Variants in PPEF1 observed in about 807,000 individuals in gnomAD.
The protein encoded by PPEF1 is protein phosphatase with EF-hand domain 1, also known as serine/threonine-protein phosphatase with EF-hands 1.
Under a neutral mutation model 53.3 loss-of-function variants are expected in PPEF1, and 12 were observed. The observed-to-expected ratio is 0.23, with a 90% CI of 0.14 to 0.36. The LOEUF (loss-of-function observed/expected upper bound fraction) is 0.36. Ranked by LOEUF, PPEF1 falls within the 10% of genes least tolerant of loss-of-function variation. The probability of loss-of-function intolerance (pLI) is 1.00; values close to 1 mark genes in which losing one functional copy is unlikely to be tolerated. For synonymous variants in PPEF1, 165 were observed against 176.7 expected (o/e 0.93, Z 0.52); for missense variants, 334 against 490.4 (o/e 0.68, Z 3.01).
chrX:18,698,893 C>G (rs753334444), intron 5 of PPEF1, among the ~76,000 whole-genome samples: 1 of 111,932 alleles, frequency 8.9e-6, no homozygotes, highest in East Asian at 2.8e-4. Context: ...TTGAGCAGCT[C>G]TATAATTGGA....
chrX:18,740,504 G>T (rs2045126922), intron 3 of PPEF1, among the ~76,000 whole-genome samples: 1 of 109,084 alleles, frequency 9.2e-6, no homozygotes, highest in African/African-American at 3.3e-5. Context: ...CTGCCTCCCG[G>T]ATTCAGGTGA....
upstream of PPEF1, among the ~76,000 whole-genome samples, chrX:18,702,761 ATAAG>A (rs1251605439): frequency 1.8e-5 from 2 of 111,014 alleles, no homozygotes; most frequent in African/African-American, 6.6e-5. Flanking sequence ...TTTGCAAATT[ATAAG>A]TGAGTGCCAA....
intron 1 of PPEF1, among the ~76,000 whole-genome samples, chrX:18,728,143 C>T (rs145572186): frequency 0.022 from 2,429 of 110,209 alleles, 35 homozygotes; most frequent in Non-Finnish European, 0.036. Flanking sequence ...TGTATCAGGG[C>T]CATGGATGAA....
At chrX:18,789,299 G>A (rs888646681) in intron 10 of PPEF1, 26 bp downstream of exon 10, 2 of 1,189,396 alleles carry the variant, frequency 1.7e-6, no homozygotes, top group Non-Finnish European at 2.3e-6. Context: ...GTTCACTGCA[G>A]TGGCAACAAT....
chrX:18,763,294 G>A (rs895965498), intron 6 of PPEF1, among the ~76,000 whole-genome samples: 1 of 111,390 alleles, frequency 9.0e-6, no homozygotes, highest in Admixed American at 9.6e-5. Flanking sequence ...GGCCTGGGGA[G>A]TTTCTTCACA....
intron 6 of PPEF1, among the ~76,000 whole-genome samples, chrX:18,763,247 A>G (rs1005102847): frequency 2.7e-5 from 3 of 111,595 alleles, no homozygotes; most frequent in African/African-American, 9.8e-5. Flanking sequence ...GGAGGTTTGC[A>G]GAGTTCCTTC....
At chrX:18,709,041 A>C (rs2147287571) in intron 1 of PPEF1, among the ~76,000 whole-genome samples, 1 of 111,829 alleles carries the variant, frequency 8.9e-6, no homozygotes, top group South Asian at 3.7e-4. Context: ...ATTGCATGTA[A>C]GTGGAAATAT....
chrX:18,735,866 A>G (rs950470400), intron 3 of PPEF1, among the ~76,000 whole-genome samples: 1 of 111,504 alleles, frequency 9.0e-6, no homozygotes, highest in African/African-American at 3.3e-5. Flanking sequence ...TTGAATTCCT[A>G]CGTATTTTAT....
intron 1 of PPEF1, among the ~76,000 whole-genome samples, chrX:18,710,750 C>T (rs1378838934): frequency 1.8e-5 from 2 of 111,368 alleles, no homozygotes; most frequent in Admixed American, 9.6e-5. Context: ...TTAGTACAAC[C>T]TCTGTGGAAA....
intron 12 of PPEF1, among the ~76,000 whole-genome samples, chrX:18,814,924 T>G (rs1353856140): frequency 1.8e-5 from 2 of 112,129 alleles, no homozygotes; most frequent in Non-Finnish European, 3.8e-5. Context: ...CTAAGGCTGA[T>G]GTCCAGAAGG....
Position 18,736,037 on chromosome X carries a change from A to G in PPEF1, c.235+2229A>G, listed in dbSNP as rs368162952. 1.7e-4 allele frequency among the ~76,000 whole-genome samples: 19 copies of G among 111,788 alleles called. No homozygotes were observed. The East Asian group carries it at 3.4e-3, about 20-fold the overall frequency. On this transcript the variant is annotated intron_variant, in intron 3 of 15. Transcript: ENST00000470157. The stretch of plus-strand genomic sequence containing the variant: ...TTTAAGGAGAGTTTGGGCTGAGACA[A>G]TGGGGTTTTCTAAATATACAATCAT...
At chrX:18,826,451 A>G (rs1181809022) in intron 15 of PPEF1, among the ~76,000 whole-genome samples, 1 of 65,540 alleles carries the variant, frequency 1.5e-5, no homozygotes, top group African/African-American at 7.7e-5. Context: ...TTTTTGCGAC[A>G]GAGTTTTGCT....
chrX:18,706,408 A>C (rs2044198281), upstream of PPEF1, among the ~76,000 whole-genome samples: 2 of 109,944 alleles, frequency 1.8e-5, no homozygotes, highest in Admixed American at 2.0e-4. Context: ...ACACAAAGTT[A>C]GACTCCAGAG....
intron 1 of PPEF1, among the ~76,000 whole-genome samples, chrX:18,723,596 G>A (rs767665054): frequency 1.2e-4 from 13 of 111,001 alleles, no homozygotes; most frequent in Non-Finnish European, 1.3e-4. Context: ...CAGGTGCTGC[G>A]GATGCAGCAA....
intron 1 of PPEF1, among the ~76,000 whole-genome samples, chrX:18,720,911 A>T (rs752032445): frequency 9.0e-6 from 1 of 110,609 alleles, no homozygotes; most frequent in Non-Finnish European, 1.9e-5. Context: ...ACTGGCCCCC[A>T]TGGTCACCTG....
intron 13 of PPEF1, among the ~76,000 whole-genome samples, chrX:18,821,209 C>T (rs2047034022): frequency 1.2e-5 from 1 of 85,146 alleles, no homozygotes; most frequent in African/African-American, 4.4e-5. Flanking sequence ...GGAGAGAGAG[C>T]GAGACTCTGT....
intron 13 of PPEF1, among the ~76,000 whole-genome samples, chrX:18,820,796 A>G (rs2047019325): frequency 8.9e-6 from 1 of 112,455 alleles, no homozygotes; most frequent in African/African-American, 3.2e-5. Flanking sequence ...ACACTGGAAC[A>G]TAAAGTGAAT....
At chrX:18,722,812 C>T (rs765988588) in intron 1 of PPEF1, among the ~76,000 whole-genome samples, 5 of 110,138 alleles carry the variant, frequency 4.5e-5, no homozygotes, top group African/African-American at 1.7e-4. Context: ...AGGAGATAGG[C>T]GATGAGGGGA....
chrX:18,806,500 A>G lies in PPEF1; in HGVS notation c.1349A>G (p.Gln450Arg), dbSNP rs760914732. 2 of 1,210,036 alleles carry G rather than the reference A, an allele frequency of 1.7e-6. No individual in the cohort carries two copies. The highest frequency in any genetic ancestry group is 3.5e-5 in the South Asian group (2 of 56,787). Reference protein sequence around the residue: ...LCSGTTPRFFQYQVTKATCFQ... With the variant: ...LCSGTTPRFFRYQVTKATCFQ... The stretch of plus-strand genomic sequence containing the variant: ...TCTGGTACAACTCCTCGATTTTTCC[A>G]GTACCAAGTAACTAAAGCAACGTGC... The change falls in exon 12 of 16, where the codon CAG becomes CGG. Residue 450 changes from glutamine (Q) to arginine (R), a missense_variant. By Grantham distance (43) the Gln-to-Arg change is conservative. Coordinates refer to ENST00000470157, the MANE Select transcript of PPEF1 (RefSeq NM_001377996.1).
Sources: gnomAD v4.1 joint callset for allele counts (sites outside exome capture counted in the v4.1 genomes callset) on GRCh38, gnomAD v4.1.1 for gene constraint, MANE v1.5 for transcripts, NCBI Gene and HGNC (gene_info 2026-07-23, HGNC 2026-07-21) for gene names.